The following BRSK2 variants were observed in gnomAD, a reference collection of about 807,000 sequenced individuals.
BRSK2 encodes the protein BR serine/threonine kinase 2, also known as serine/threonine-protein kinase BRSK2.
Under a neutral mutation model 83.3 loss-of-function variants are expected in BRSK2, and 19 were observed. That is an observed-to-expected ratio of 0.23 (90% CI 0.16 to 0.33). The LOEUF (loss-of-function observed/expected upper bound fraction) is 0.33. Ranked by LOEUF, BRSK2 falls within the 10% of genes least tolerant of loss-of-function variation. The pLI is 1.00. For synonymous variants in BRSK2, 519 were observed against 435.4 expected, an observed-to-expected ratio of 1.19 and a Z score of -2.39; for missense variants, 798 against 1,042.3, an observed-to-expected ratio of 0.77 and a Z score of 3.23.
chr11:1,424,882 G>T (rs1849026418), intron 1 of BRSK2, among the ~76,000 whole-genome samples: 1 of 152,170 alleles, frequency 6.6e-6, no homozygotes, highest in African/African-American at 2.4e-5. Context: ...CCCCTTCCTG[G>T]GGCTCACACA....
intron 1 of BRSK2, among the ~76,000 whole-genome samples, chr11:1,396,192 C>T (rs904562132): frequency 6.3e-5 from 7 of 110,840 alleles, no homozygotes; most frequent in Non-Finnish European, 1.3e-4. Flanking sequence ...GTCTCTCTTC[C>T]CTTCCACCCA....
chr11:1,458,583 G>A (rs1425307105), intron 18 of BRSK2, among the ~76,000 whole-genome samples: 5 of 152,302 alleles, frequency 3.3e-5, no homozygotes, highest in Admixed American at 2.0e-4. Flanking sequence ...GGCCGAGGGA[G>A]GGGAGGCTGA....
rs1851133826 is a variant in BRSK2 at position 1,440,930 on chromosome 11, T to A, written c.413+2T>A. ...CTTCTGCCACAGCCACTCCATATGG[T>A]GAGGCCCCACCCCTGGTGCCCCCCA... On this transcript the variant is annotated splice_donor_variant, in intron 4 of 19. Transcript: ENST00000528841. LOFTEE classifies it high-confidence loss of function. 6.4e-7 allele frequency: 1 copy of A among 1,569,484 alleles called. No individual in the cohort carries two copies. Among genetic ancestry groups the A allele is most frequent in the Non-Finnish European group, 8.6e-7 (1 of 1,160,666 alleles).
intron 1 of BRSK2, among the ~76,000 whole-genome samples, chr11:1,402,969 G>T (rs867838725): frequency 6.6e-6 from 1 of 152,104 alleles, no homozygotes; most frequent in Non-Finnish European, 1.5e-5. Context: ...ACAGATGAGC[G>T]CCCTCTCCAG....
intron 14 of BRSK2, 58 bp from the exon 15 acceptor site, chr11:1,451,313 G>A (rs1457677577): frequency 3.1e-6 from 5 of 1,597,632 alleles, no homozygotes; most frequent in Middle Eastern, 1.7e-4. Context: ...GGTGGCCAGG[G>A]CAGGGGAAGG....
At chr11:1,442,948 C>T (rs1285859308) in intron 5 of BRSK2, among the ~76,000 whole-genome samples, 158 bp from the exon 6 acceptor site, 1 of 152,140 alleles carries the variant, frequency 6.6e-6, no homozygotes, top group Non-Finnish European at 1.5e-5. Context: ...CCACCTTGAT[C>T]TCCTCCCAAA....
chr11:1,447,485 A>G (rs367891433), intron 12 of BRSK2, among the ~76,000 whole-genome samples: 31 of 152,320 alleles, frequency 2.0e-4, no homozygotes, highest in African/African-American at 7.2e-4. Context: ...GGCATGTCCC[A>G]GCCAGATTCC....
At chr11:1,455,566 G>A (rs1846406070) in intron 16 of BRSK2, among the ~76,000 whole-genome samples, 1 of 152,018 alleles carries the variant, frequency 6.6e-6, no homozygotes, top group African/African-American at 2.4e-5. Context: ...CCTGCAGAAG[G>A]CTCCAGGGCC....
intron 12 of BRSK2, 73 bp downstream of exon 12, chr11:1,445,980 G>A (rs914153348): frequency 2.3e-5 from 35 of 1,510,184 alleles, no homozygotes; most frequent in South Asian, 1.4e-4. Context: ...CTGGCTCATC[G>A]CTACCCATTG....
At position 1,454,761 on chromosome 11, in the gene BRSK2, G is replaced by C. The variant is rs1224967780; in HGVS notation, c.1668+153G>C. On this transcript the variant is annotated intron_variant, in intron 16 of 19. Transcript: ENST00000528841. This position sits in a 1 kb window ranked among gnomAD's most constrained non-coding sequence, Gnocchi z 5.2. ...TGGGCCTGCCTGGCCGCCTTCACTG[G>C]ACAGGCGCTCTCTCCTGCCCACCCT... Among the ~76,000 whole-genome samples, 1 of 152,184 alleles carries C rather than the reference G, an allele frequency of 6.6e-6. No homozygotes were observed. The highest frequency in any genetic ancestry group is 1.9e-4 in the East Asian group (1 of 5,186).
In BRSK2 at chr11:1,446,070, TGGCTG is replaced by T. The variant is rs769125715; in HGVS notation, c.1226+178_1226+182del. 9.1e-5 allele frequency among the ~76,000 whole-genome samples: 5 copies of T among 54,696 alleles called. No homozygotes were observed. The South Asian group carries it at 1.9e-3, about 21-fold the overall frequency. 35.9% of individuals were successfully genotyped at this position (54,696 alleles called of 152,430 possible). A position where few individuals can be genotyped will look rare whatever the true frequency, so the allele number is the denominator to read the frequency against. ...TAGCTGGGCTGGGCTGGGCTGGGCT[TGGCTG>T]GGCTGGGCTGGGCTTAGCTGGGCTG... On this transcript the variant is annotated intron_variant, in intron 12 of 19. Coordinates refer to ENST00000528841, the MANE Select transcript of BRSK2 (RefSeq NM_001256627.2).
At chr11:1,450,817 C>T (rs777606638) in intron 14 of BRSK2, 23 bp downstream of exon 14, 2 of 1,576,704 alleles carry the variant, frequency 1.3e-6, no homozygotes, top group South Asian at 1.2e-5. Context: ...CCGGAGGCGC[C>T]AGAGTGGGGC....
rs1554922928 is a variant in BRSK2, at chr11:1,461,064, G to A, written c.*341G>A. ...GACCCGCCCTCCCTCCGCTCCTGCTGTTGCTGCCGGGCAGTGAGGCCCAGC... is the reference window on the plus strand; with the variant it reads ...GACCCGCCCTCCCTCCGCTCCTGCTATTGCTGCCGGGCAGTGAGGCCCAGC... On this transcript the variant is annotated 3_prime_UTR_variant, in exon 20 of 20. Coordinates refer to ENST00000528841, the MANE Select transcript of BRSK2 (RefSeq NM_001256627.2). 79 of 1,596,738 alleles carry A rather than the reference G, an allele frequency of 4.9e-5. No homozygotes were observed. In the South Asian group the frequency reaches 8.6e-4, roughly 17 times the overall value.
Position 1,461,894 on chromosome 11 carries a change from T to C in BRSK2, c.*1171T>C, listed in dbSNP as rs1847542773. On this transcript the variant is annotated 3_prime_UTR_variant, in exon 20 of 20. Transcript: ENST00000528841. ...CGCTCTGTCATGGGTTCCGTCTCTC[T>C]GTGGAGAAGCAGCTCCACCTCTGGG... 1 of 151,080 alleles carries C rather than the reference T, an allele frequency of 6.6e-6. No individual in the cohort carries two copies. The highest frequency in any genetic ancestry group is 6.6e-5 in the Admixed American group (1 of 15,230). 9.4% of individuals were successfully genotyped at this position (151,080 alleles called of 1,614,324 possible). A position where few individuals can be genotyped will look rare whatever the true frequency, so the allele number is the denominator to read the frequency against.
intron 1 of BRSK2, chr11:1,411,143 G>A (rs895052047): frequency 8.2e-7 from 1 of 1,219,640 alleles, no homozygotes; most frequent in Non-Finnish European, 1.0e-6. Flanking sequence ...GGCCTAGGGT[G>A]GGGGCTCCAG....
chr11:1,436,409 G>A (rs1289888637), intron 2 of BRSK2, among the ~76,000 whole-genome samples: 5 of 152,182 alleles, frequency 3.3e-5, no homozygotes, highest in African/African-American at 4.8e-5. Flanking sequence ...GTTGCTGCAG[G>A]ACCTGCTGTG....
Position 1,459,237 on chromosome 11 carries a change from G to A in BRSK2, c.1985G>A (p.Cys662Tyr), listed in dbSNP as rs776112411. The change falls in exon 19 of 20, where the codon TGT (cysteine) becomes TAT (tyrosine). Residue 662 changes from cysteine to tyrosine, a missense_variant and splice_region_variant. Coordinates refer to ENST00000528841, the MANE Select transcript of BRSK2 (RefSeq NM_001256627.2). ...MEMMTGRLSK[C>Y]GSPLSNFFDV... ...ATGATGACGGGGCGGCTTTCCAAAT[G>A]TGGTAAGAATCCCCCACGCTCACCT... 5 of 1,613,752 alleles carry A rather than the reference G, an allele frequency of 3.1e-6. No individual in the cohort carries two copies. In the South Asian group the frequency reaches 3.3e-5, roughly 11 times the overall value.
intron 1 of BRSK2, chr11:1,410,741 T>C: frequency 3.0e-6 from 3 of 985,242 alleles, no homozygotes; most frequent in Non-Finnish European, 3.6e-6. Flanking sequence ...AGGCTGGTCC[T>C]CCATTCTCAG....
At chr11:1,412,048 T>A (rs867717371) in intron 1 of BRSK2, among the ~76,000 whole-genome samples, 5 of 42,384 alleles carry the variant, frequency 1.2e-4, no homozygotes, top group Non-Finnish European at 2.3e-4. Context: ...GGGTGGAGTC[T>A]CAGCTGCGCC....
Sources: allele counts gnomAD v4.1 joint callset (sites outside exome capture counted in the v4.1 genomes callset), GRCh38; gene constraint gnomAD v4.1.1; non-coding constraint Gnocchi (gnomAD v3.1); transcripts MANE v1.5; gene names NCBI Gene and HGNC (gene_info 2026-07-23, HGNC 2026-07-21).